Variants in RORB observed in about 807,000 individuals in gnomAD.
RORB encodes the protein nuclear receptor ROR-beta.
In RORB, 6 loss-of-function variants were observed where a neutral mutation model predicts 59.1. The observed-to-expected ratio is 0.10, with a 90% CI of 0.06 to 0.20. The LOEUF is 0.20. RORB is among the 10% of genes least tolerant of loss of function. The pLI, the probability that RORB is intolerant of heterozygous loss-of-function variation, is 1.00. For synonymous variants in RORB, 215 were observed against 204.5 expected (o/e 1.05, Z -0.44); for missense variants, 320 against 560.5 (o/e 0.57, Z 4.33).
At chr9:74,620,985 C>A (rs1190159921) in intron 1 of RORB, among the ~76,000 whole-genome samples, 2 of 152,134 alleles carry the variant, frequency 1.3e-5, no homozygotes, top group Non-Finnish European at 2.9e-5. Flanking sequence ...ACATTTTTAG[C>A]ACCACTTTAG....
At chr9:74,610,280 G>A (rs1244431445) in intron 1 of RORB, among the ~76,000 whole-genome samples, 1 of 152,150 alleles carries the variant, frequency 6.6e-6, no homozygotes, top group East Asian at 1.9e-4. Flanking sequence ...TTGGGAATCA[G>A]ATATTTTTTA....
intron 1 of RORB, among the ~76,000 whole-genome samples, chr9:74,502,179 A>G (rs1429483639): frequency 1.3e-5 from 2 of 152,156 alleles, no homozygotes; most frequent in East Asian, 1.9e-4. Flanking sequence ...TGCATAGATT[A>G]TATTTTAAAT....
At chr9:74,519,647 G>A (rs1310964557) in intron 1 of RORB, among the ~76,000 whole-genome samples, 2 of 151,932 alleles carry the variant, frequency 1.3e-5, no homozygotes, top group East Asian at 1.9e-4. Flanking sequence ...AGCTCCTCCC[G>A]CCAAACAATG....
intron 1 of RORB, among the ~76,000 whole-genome samples, chr9:74,549,598 AAGGAAGG>A (rs1563934569): frequency 1.3e-4 from 8 of 59,454 alleles, no homozygotes; most frequent in African/African-American, 5.9e-4. Flanking sequence ...GGAAGGAAGG[AAGGAAGG>A]AAGAAAGGAA....
chr9:74,592,272 T>TTATTAAAAAAAAA (rs1563946480), intron 1 of RORB, among the ~76,000 whole-genome samples: 2 of 152,158 alleles, frequency 1.3e-5, no homozygotes, highest in African/African-American at 4.8e-5. Flanking sequence ...TATTAAAAAT[T>TTATTAAAAAAAAA]CAAATTATCA....
At chr9:74,538,728 C>CAA (rs36123845) in intron 1 of RORB, among the ~76,000 whole-genome samples, 4,929 of 143,384 alleles carry the variant, frequency 0.034, 221 homozygotes, top group African/African-American at 0.11. Flanking sequence ...GACAAAGATG[C>CAA]AAAAAAAAAA....
intron 1 of RORB, among the ~76,000 whole-genome samples, chr9:74,567,027 C>T (rs1309846937): frequency 6.6e-6 from 1 of 151,644 alleles, no homozygotes; most frequent in African/African-American, 2.4e-5. Flanking sequence ...AATGCCCACC[C>T]CACCCTTTTT....
chr9:74,514,578 C>G (rs116218400), intron 1 of RORB, among the ~76,000 whole-genome samples: 151 of 151,630 alleles, frequency 1.0e-3, no homozygotes, highest in African/African-American at 3.5e-3. Context: ...ACCTGAAACT[C>G]AGTAAATGTT....
At chr9:74,568,856 G>T (rs1398871793) in intron 1 of RORB, among the ~76,000 whole-genome samples, 3 of 151,874 alleles carry the variant, frequency 2.0e-5, no homozygotes, top group Non-Finnish European at 2.9e-5. Flanking sequence ...TAAAATATTT[G>T]CAGTTTCCTC....
intron 1 of RORB, among the ~76,000 whole-genome samples, chr9:74,539,371 T>C (rs527935025): frequency 4.1e-4 from 63 of 152,292 alleles, no homozygotes; most frequent in Middle Eastern, 3.4e-3. Context: ...ACTACTTCTA[T>C]CATGCTGTAA....
intron 1 of RORB, among the ~76,000 whole-genome samples, chr9:74,550,357 G>T (rs1406582404): frequency 6.6e-6 from 1 of 152,156 alleles, no homozygotes; most frequent in Non-Finnish European, 1.5e-5. Flanking sequence ...GTAATAAGTG[G>T]TTCTTAACTT....
intron 1 of RORB, among the ~76,000 whole-genome samples, chr9:74,540,249 C>G (rs1050759493): frequency 6.6e-6 from 1 of 152,134 alleles, no homozygotes; most frequent in Admixed American, 6.5e-5. Context: ...ACCCCTGCCC[C>G]CTCTGCTCAC....
Position 74,534,402 on chromosome 9 carries a change from T to C in RORB, c.7+36419T>C, listed in dbSNP as rs149777920. On this transcript the variant is annotated intron_variant, in intron 1 of 9. Transcript: ENST00000376896. ...ATGAACACAAAAGCAGATAAGCCAC[T>C]GTGTGCATTTTATACCCTCCAATCT... is the stretch of plus-strand genomic sequence containing the variant. Among the ~76,000 whole-genome samples, 97 of 152,188 alleles carry C rather than the reference T, an allele frequency of 6.4e-4. 1 individual carries two copies. The highest frequency in any genetic ancestry group is 2.2e-3 in the African/African-American group (92 of 41,568).
chr9:74,636,764 G>A (rs976191891), intron 3 of RORB, among the ~76,000 whole-genome samples: 1 of 151,988 alleles, frequency 6.6e-6, no homozygotes, highest in African/African-American at 2.4e-5. Flanking sequence ...GGTCACGGGG[G>A]TGTGGGTGGG....
At chr9:74,623,218 C>G (rs1010734145) in intron 1 of RORB, among the ~76,000 whole-genome samples, 1 of 152,252 alleles carries the variant, frequency 6.6e-6, no homozygotes, top group Admixed American at 6.5e-5. Flanking sequence ...ATCCAAGGAG[C>G]AAGCTAGTAG....
chr9:74,533,211 A>G (rs1826273870), intron 1 of RORB, among the ~76,000 whole-genome samples: 1 of 151,942 alleles, frequency 6.6e-6, no homozygotes, highest in African/African-American at 2.4e-5. Flanking sequence ...CACAAACGTA[A>G]CTTCCCCATG....
chr9:74,563,773 A>G (rs1055525184), intron 1 of RORB, among the ~76,000 whole-genome samples: 2 of 152,216 alleles, frequency 1.3e-5, no homozygotes, highest in Non-Finnish European at 2.9e-5. Flanking sequence ...ATTTCCAGCT[A>G]GAACCTTGGA....
chr9:74,669,550 A>G (rs1824317869), intron 8 of RORB, among the ~76,000 whole-genome samples: 1 of 151,556 alleles, frequency 6.6e-6, no homozygotes, highest in Non-Finnish European at 1.5e-5. Context: ...ATAATATAAC[A>G]ACAATAATAT....
chr9:74,506,343 G>A (rs935752024), intron 1 of RORB, among the ~76,000 whole-genome samples: 16 of 151,786 alleles, frequency 1.1e-4, no homozygotes, highest in South Asian at 4.1e-4. Context: ...CTCTTTCTTC[G>A]GCATATTTAA....
Sources: gnomAD v4.1 joint callset for allele counts (sites outside exome capture counted in the v4.1 genomes callset) on GRCh38, gnomAD v4.1.1 for gene constraint, MANE v1.5 for transcripts, NCBI Gene and HGNC (gene_info 2026-07-23, HGNC 2026-07-21) for gene names.